The following CHN2 variants were observed in gnomAD, a reference collection of about 807,000 sequenced individuals.
CHN2 encodes chimerin 2, also known as beta-chimaerin.
CHN2 carries 35 observed loss-of-function variants against 56.3 expected under a neutral mutation model. The observed-to-expected ratio is 0.62, with a 90% CI of 0.47 to 0.82. The LOEUF is 0.82. CHN2 is among the 40% of genes least tolerant of loss of function. The pLI is 0.00. For missense variants in CHN2, 491 were observed against 580.5 expected (o/e 0.85, Z 1.58); for synonymous variants, 210 against 212.8 (o/e 0.99, Z 0.12).
chr7:29,395,260 C>T (rs910081531), intron 4 of CHN2, among the ~76,000 whole-genome samples: 11 of 152,206 alleles, frequency 7.2e-5, no homozygotes, highest in Non-Finnish European at 1.6e-4. Context: ...CAGTGGCTCA[C>T]GCCTGTAGTC....
chr7:29,258,632 AT>A (rs1436165336), intron 1 of CHN2, among the ~76,000 whole-genome samples: 1 of 152,136 alleles, frequency 6.6e-6, no homozygotes, highest in Non-Finnish European at 1.5e-5. Flanking sequence ...AAGTGTTTTT[AT>A]TCTTTTGAAG....
intron 1 of CHN2, among the ~76,000 whole-genome samples, chr7:29,218,809 G>C (rs1189755511): frequency 1.6e-5 from 2 of 127,072 alleles, no homozygotes; most frequent in East Asian, 3.3e-4. Context: ...GTTGTGGGGT[G>C]GGGGGAGAGG....
intron 2 of CHN2, among the ~76,000 whole-genome samples, chr7:29,188,250 G>A (rs953186478): frequency 6.6e-6 from 1 of 152,108 alleles, no homozygotes; most frequent in Admixed American, 6.5e-5. Context: ...CACAAAGTCT[G>A]TAAATAGGGA....
intron 2 of CHN2, among the ~76,000 whole-genome samples, chr7:29,167,636 TGTAA>T (rs1796084465): frequency 6.6e-6 from 1 of 152,148 alleles, no homozygotes; most frequent in African/African-American, 2.4e-5. Flanking sequence ...GTCAAAAGTG[TGTAA>T]GTGTTTTTAT....
chr7:29,501,751 G>T (rs1789993143), intron 9 of CHN2, among the ~76,000 whole-genome samples: 1 of 152,088 alleles, frequency 6.6e-6, no homozygotes, highest in Non-Finnish European at 1.5e-5. Context: ...TCCCAGCTGT[G>T]GGGCCACCAC....
intron 6 of CHN2, among the ~76,000 whole-genome samples, chr7:29,442,913 G>A (rs1783750676): frequency 7.1e-6 from 1 of 141,606 alleles, no homozygotes; most frequent in African/African-American, 2.6e-5. Context: ...AATCCCCATC[G>A]CTTTCAATTT....
intron 1 of CHN2, among the ~76,000 whole-genome samples, chr7:29,249,856 T>G (rs1210181992): frequency 6.6e-6 from 1 of 152,260 alleles, no homozygotes; most frequent in Non-Finnish European, 1.5e-5. Context: ...GGTAGCGACA[T>G]GAATACCAAT....
chr7:29,490,559 C>T (rs1788548979), intron 7 of CHN2, among the ~76,000 whole-genome samples: 2 of 152,118 alleles, frequency 1.3e-5, no homozygotes. Flanking sequence ...ATCAAACAAA[C>T]GAGTGAATAA....
At chr7:29,291,136 C>T (rs533267704) in intron 1 of CHN2, among the ~76,000 whole-genome samples, 10 of 152,234 alleles carry the variant, frequency 6.6e-5, no homozygotes, top group East Asian at 3.9e-4. Context: ...CCCTTACCAG[C>T]GGAGTGTTTC....
intron 3 of CHN2, among the ~76,000 whole-genome samples, chr7:29,393,308 C>T (rs1801498392): frequency 6.6e-6 from 1 of 152,172 alleles, no homozygotes; most frequent in Non-Finnish European, 1.5e-5. Flanking sequence ...AACAATTAGG[C>T]ACAGAGTAAA....
At chr7:29,363,797 G>C (rs1188344140) in intron 2 of CHN2, among the ~76,000 whole-genome samples, 3 of 152,112 alleles carry the variant, frequency 2.0e-5, no homozygotes, top group African/African-American at 7.2e-5. Context: ...TGAAGGGAGA[G>C]AGCGAGCCAT....
At chr7:29,224,398 T>C (rs1562844726) in intron 1 of CHN2, among the ~76,000 whole-genome samples, 1 of 152,232 alleles carries the variant, frequency 6.6e-6, no homozygotes, top group African/African-American at 2.4e-5. Flanking sequence ...CATTAAGTTA[T>C]AGTGAGAAGG....
chr7:29,338,858 G>A (rs1796823173), intron 1 of CHN2, among the ~76,000 whole-genome samples: 1 of 152,130 alleles, frequency 6.6e-6, no homozygotes, highest in South Asian at 2.1e-4. Context: ...GAGATTACAG[G>A]CATGAGCCAC....
At chr7:29,328,822 G>A (rs1009389046) in intron 1 of CHN2, among the ~76,000 whole-genome samples, 21 of 152,042 alleles carry the variant, frequency 1.4e-4, no homozygotes, top group African/African-American at 4.1e-4. Flanking sequence ...ATGACAAGTC[G>A]AGACATGTTT....
chr7:29,409,340 A>G (rs1018369805), intron 6 of CHN2, among the ~76,000 whole-genome samples: 12 of 152,354 alleles, frequency 7.9e-5, no homozygotes, highest in East Asian at 3.9e-4. Flanking sequence ...AGAAAAATCT[A>G]AAATATTTAT....
intron 3 of CHN2, among the ~76,000 whole-genome samples, chr7:29,392,945 C>T (rs539015738): frequency 1.4e-4 from 21 of 152,270 alleles, no homozygotes; most frequent in Middle Eastern, 3.4e-3. Context: ...GAACAAAGGC[C>T]GAGCATGAGA....
At position 29,430,432 on chromosome 7, in the gene CHN2, G is replaced by A. The variant is rs574012220; in HGVS notation, c.576+29604G>A. On this transcript the variant is annotated intron_variant, in intron 6 of 12. Transcript: ENST00000222792. ...TCCCTAGAACCAGAATAGGTTCTGA[G>A]TGACTTGGGGCTGCCACGTGGTCAG... 1.1e-3 allele frequency among the ~76,000 whole-genome samples: 172 copies of A among 152,342 alleles called. 1 individual carries two copies. The highest frequency in any genetic ancestry group is 0.01 in the Middle Eastern group (3 of 294).
intron 1 of CHN2, among the ~76,000 whole-genome samples, chr7:29,322,285 T>C (rs1304684687): frequency 4.6e-5 from 7 of 152,186 alleles, no homozygotes; most frequent in Admixed American, 4.6e-4. Flanking sequence ...ATGGTTGCTT[T>C]CAAATGCTTT....
intron 1 of CHN2, among the ~76,000 whole-genome samples, chr7:29,204,903 G>A (rs1324462634): frequency 1.3e-5 from 2 of 152,166 alleles, no homozygotes; most frequent in Non-Finnish European, 2.9e-5. Context: ...ATTAGAAATA[G>A]AATCACAGCA....
Sources: gnomAD v4.1 joint callset for allele counts (sites outside exome capture counted in the v4.1 genomes callset) on GRCh38, gnomAD v4.1.1 for gene constraint, MANE v1.5 for transcripts, NCBI Gene and HGNC (gene_info 2026-07-23, HGNC 2026-07-21) for gene names.